Variants in PIP4K2A observed in about 807,000 individuals in gnomAD.
PIP4K2A encodes phosphatidylinositol 5-phosphate 4-kinase type-2 alpha.
A neutral mutation model predicts 42.9 loss-of-function variants in PIP4K2A; 14 were observed. The ratio of observed to expected loss-of-function variants is 0.33; its 90% CI spans 0.22 to 0.51. The LOEUF is 0.51. Ranked by LOEUF, PIP4K2A falls within the 20% of genes least tolerant of loss-of-function variation. PIP4K2A has a pLI of 0.97. For missense variants in PIP4K2A, 434 were observed against 519.8 expected (o/e 0.83, Z 1.61); for synonymous variants, 192 against 192.2 (o/e 1.00, Z 0.01).
chr10:22,678,122 A>AT (rs1471171199), intron 1 of PIP4K2A, among the ~76,000 whole-genome samples: 1 of 152,080 alleles, frequency 6.6e-6, no homozygotes, highest in Non-Finnish European at 1.5e-5. Context: ...ATTATGTTCA[A>AT]TTTTAATTGC....
At chr10:22,615,160 G>A (rs1838145823) in intron 1 of PIP4K2A, among the ~76,000 whole-genome samples, 1 of 152,130 alleles carries the variant, frequency 6.6e-6, no homozygotes, top group South Asian at 2.1e-4. Context: ...AGGCTGGAGT[G>A]CAGGGGCATG....
At chr10:22,681,851 T>C (rs546655915) in intron 1 of PIP4K2A, among the ~76,000 whole-genome samples, 1 of 152,336 alleles carries the variant, frequency 6.6e-6, no homozygotes, top group East Asian at 1.9e-4. Context: ...ACACAGTCTC[T>C]GTCACAATGA....
chr10:22,695,290 C>A (rs944550154), intron 1 of PIP4K2A, among the ~76,000 whole-genome samples: 1 of 152,156 alleles, frequency 6.6e-6, no homozygotes, highest in African/African-American at 2.4e-5. Context: ...TTCAGTAGTA[C>A]ACACAGGAAA....
intron 1 of PIP4K2A, among the ~76,000 whole-genome samples, chr10:22,611,204 C>G (rs1256960464): frequency 3.3e-5 from 5 of 152,024 alleles, no homozygotes; most frequent in African/African-American, 1.2e-4. Flanking sequence ...GCCTAGGCAA[C>G]AGAATTCGTC....
At chr10:22,712,965 C>T (rs936371902) in intron 1 of PIP4K2A, among the ~76,000 whole-genome samples, 1 of 151,028 alleles carries the variant, frequency 6.6e-6, no homozygotes, top group African/African-American at 2.5e-5. Context: ...TTCCGAAAAA[C>T]CAGCATGGTT....
chr10:22,651,480 G>A (rs1402856082), intron 1 of PIP4K2A, among the ~76,000 whole-genome samples: 3 of 152,098 alleles, frequency 2.0e-5, no homozygotes, highest in Admixed American at 6.5e-5. Context: ...GGCCTCCCAC[G>A]CAGCAACTCT....
intron 6 of PIP4K2A, among the ~76,000 whole-genome samples, chr10:22,551,445 G>A (rs1008968772): frequency 1.3e-5 from 2 of 152,248 alleles, no homozygotes; most frequent in Non-Finnish European, 1.5e-5. Context: ...TGAACGAGAG[G>A]GTGAGCTAAT....
chr10:22,645,935 T>A (rs576102507), intron 1 of PIP4K2A, among the ~76,000 whole-genome samples: 67 of 152,284 alleles, frequency 4.4e-4, no homozygotes, highest in African/African-American at 1.6e-3. Flanking sequence ...TTGCCCAGGC[T>A]GGTCTGGAAC....
At chr10:22,616,759 T>C (rs1207406679) in intron 1 of PIP4K2A, among the ~76,000 whole-genome samples, 1 of 152,194 alleles carries the variant, frequency 6.6e-6, no homozygotes, top group East Asian at 1.9e-4. Context: ...TAACTGAATA[T>C]GTACCATGGG....
chr10:22,547,674 G>T (rs1836291233), intron 7 of PIP4K2A, among the ~76,000 whole-genome samples: 1 of 152,192 alleles, frequency 6.6e-6, no homozygotes, highest in Non-Finnish European at 1.5e-5. Flanking sequence ...GCCACAGAGG[G>T]AGAACAGTTT....
chr10:22,674,415 C>CAAAAAAAAAAAAA (rs1002492534), intron 1 of PIP4K2A, among the ~76,000 whole-genome samples: 2 of 61,132 alleles, frequency 3.3e-5, no homozygotes, highest in African/African-American at 5.1e-5. Context: ...CACTTGGGAG[C>CAAAAAAAAAAAAA]AAAAAAAAAA....
Position 22,550,648 on chromosome 10 carries a change from A to G in PIP4K2A, c.792+11T>C. 1 of 1,358,610 alleles carries G rather than the reference A, an allele frequency of 7.4e-7. No homozygotes were observed. The highest frequency in any genetic ancestry group is 1.2e-5 in the South Asian group (1 of 86,308). 84.2% of individuals were successfully genotyped at this position (1,358,610 alleles called of 1,614,324 possible). ...TACAATGAGTCTGGCCTCTCCACTG[A>G]CTGTTCTTACCTCAACATCCTTTTT... On this transcript the variant is annotated intron_variant, in intron 7 of 9. Coordinates refer to ENST00000376573, the MANE Select transcript of PIP4K2A (RefSeq NM_005028.5).
At chr10:22,553,899 T>C (rs892174368) in intron 6 of PIP4K2A, among the ~76,000 whole-genome samples, 5 of 151,214 alleles carry the variant, frequency 3.3e-5, no homozygotes, top group Non-Finnish European at 5.9e-5. Flanking sequence ...ACTTTGGGAC[T>C]CTGAGACAGG....
rs1588682724 is a variant in PIP4K2A, at chr10:22,645,561, A to AG, written c.145-35845_145-35844insC. On this transcript the variant is annotated intron_variant, in intron 1 of 9. Coordinates refer to ENST00000376573, the MANE Select transcript of PIP4K2A (RefSeq NM_005028.5). ...GATTCTATTTCTTTAAAAAAAAAAA[A>AG]AAAAGAAAAGAAAAGAAAAGAAAGA... is the stretch of plus-strand genomic sequence containing the variant. 4.0e-5 allele frequency among the ~76,000 whole-genome samples: 6 copies of AG among 150,850 alleles called. No individual in the cohort carries two copies. In the South Asian group the frequency reaches 1.0e-3, roughly 26 times the overall value.
chr10:22,596,205 C>CAA (rs10681238), intron 3 of PIP4K2A, among the ~76,000 whole-genome samples: 40,747 of 69,514 alleles, frequency 0.59, 12,701 homozygotes, highest in East Asian at 0.84. Context: ...AACTCCGTCT[C>CAA]AAAAAAAAAA....
chr10:22,580,552 T>G (rs554781631), intron 4 of PIP4K2A, among the ~76,000 whole-genome samples: 1 of 149,750 alleles, frequency 6.7e-6, no homozygotes, highest in Non-Finnish European at 1.5e-5. Flanking sequence ...AATGCCATGC[T>G]TTTAACAACC....
chr10:22,620,920 G>A lies in PIP4K2A; in HGVS notation c.145-11203C>T, dbSNP rs544667333. 2.6e-5 allele frequency among the ~76,000 whole-genome samples: 4 copies of A among 152,344 alleles called. No homozygotes were observed. In the South Asian group the frequency reaches 6.2e-4, roughly 24 times the overall value. ...CTTTAAGTGTTTCATTTATGTGGAT[G>A]TGGCAGTGCAGGGACAAAGATTGGA... On this transcript the variant is annotated intron_variant, in intron 1 of 9. Coordinates refer to ENST00000376573, the MANE Select transcript of PIP4K2A (RefSeq NM_005028.5).
At position 22,542,016 on chromosome 10, in the gene PIP4K2A, C is replaced by G; in HGVS notation, c.824G>C (p.Ser275Thr). 1 of 1,612,798 alleles carries G rather than the reference C, an allele frequency of 6.2e-7. No homozygotes were observed. Among genetic ancestry groups the G allele is most frequent in the Non-Finnish European group, 8.5e-7 (1 of 1,179,332 alleles). Residue 275 changes from serine (S) to threonine (T), a missense_variant, in exon 8 of 10, where the codon AGT becomes ACT. Physicochemically the swap from Ser to Thr is moderately conservative, Grantham distance 58 (BLOSUM62 1). Coordinates refer to ENST00000376573, the MANE Select transcript of PIP4K2A (RefSeq NM_005028.5). ...CACATCATGAATTCCCACCAGCAGA[C>G]TGTAGTCCATGAGCTTCAGCTGGGC... ...FLAQLKLMDYSLLVGIHDVER... is the reference protein window; with the variant it reads ...FLAQLKLMDYTLLVGIHDVER...
intron 1 of PIP4K2A, among the ~76,000 whole-genome samples, chr10:22,634,669 T>C (rs1838623308): frequency 6.6e-6 from 1 of 152,202 alleles, no homozygotes; most frequent in South Asian, 2.1e-4. Context: ...TTCTTCTCTC[T>C]TTCTCTCTCT....
Sources: allele counts gnomAD v4.1 joint callset (sites outside exome capture counted in the v4.1 genomes callset), GRCh38; gene constraint gnomAD v4.1.1; transcripts MANE v1.5; gene names NCBI Gene and HGNC (gene_info 2026-07-23, HGNC 2026-07-21).